EXOC4: variants seen among roughly 807,000 people sequenced by gnomAD.
The protein encoded by EXOC4 is SEC8-like 1.
Under a neutral mutation model 107.2 loss-of-function variants are expected in EXOC4, and 71 were observed. The observed-to-expected ratio is 0.66, with a 90% confidence interval of 0.55 to 0.81. The LOEUF is 0.81. Ranked by LOEUF, EXOC4 falls within the 30% of genes least tolerant of loss-of-function variation. The pLI, the probability that EXOC4 is intolerant of heterozygous loss-of-function variation, is 0.00. For missense variants in EXOC4, 1,108 were observed against 1,189.6 expected, an observed-to-expected ratio of 0.93 and a Z score of 1.01; for synonymous variants, 456 against 441.2, an observed-to-expected ratio of 1.03 and a Z score of -0.42.
intron 9 of EXOC4, among the ~76,000 whole-genome samples, chr7:133,580,549 C>T (rs539166107): frequency 2.0e-5 from 3 of 152,092 alleles, no homozygotes; most frequent in Non-Finnish European, 4.4e-5. Flanking sequence ...ACAAAAGTTG[C>T]GTATTGTAGA....
At chr7:134,066,474 T>G (rs920629469), downstream of EXOC4, 2 of 152,214 alleles carry the variant, frequency 1.3e-5, no homozygotes, top group Non-Finnish European at 2.9e-5. Context: ...TCTGCTTTGC[T>G]TACAATGACG....
At chr7:133,735,783 T>G (rs1287891504) in intron 10 of EXOC4, among the ~76,000 whole-genome samples, 1 of 152,108 alleles carries the variant, frequency 6.6e-6, no homozygotes, top group Non-Finnish European at 1.5e-5. Context: ...AGCCCTCTAT[T>G]ACCATAAGAT....
chr7:133,583,296 T>C (rs185390765), intron 9 of EXOC4, among the ~76,000 whole-genome samples: 1 of 152,216 alleles, frequency 6.6e-6, no homozygotes, highest in African/African-American at 2.4e-5. Flanking sequence ...ATTACTCCGA[T>C]AATCTCTTAT....
At chr7:134,022,806 A>G (rs1016576109) in intron 17 of EXOC4, among the ~76,000 whole-genome samples, 1 of 152,198 alleles carries the variant, frequency 6.6e-6, no homozygotes, top group African/African-American at 2.4e-5. Context: ...TTCTGTCTGC[A>G]CTAAGGCTAG....
At chr7:133,964,100 T>C (rs1008317826) in intron 14 of EXOC4, among the ~76,000 whole-genome samples, 1 of 152,146 alleles carries the variant, frequency 6.6e-6, no homozygotes, top group Non-Finnish European at 1.5e-5. Flanking sequence ...TATGAGGTAA[T>C]ATATGAGAAA....
chr7:133,878,272 G>C (rs1183242410), intron 11 of EXOC4, among the ~76,000 whole-genome samples: 1 of 152,140 alleles, frequency 6.6e-6, no homozygotes, highest in East Asian at 1.9e-4. Flanking sequence ...GTTCAAACTA[G>C]GATTCCATCT....
chr7:133,460,208 T>C (rs1798558073), intron 7 of EXOC4, among the ~76,000 whole-genome samples: 1 of 152,182 alleles, frequency 6.6e-6, no homozygotes, highest in Non-Finnish European at 1.5e-5. Context: ...ATCCCTCGCA[T>C]GTGCAGTTCA....
chr7:133,682,389 G>A (rs7805745), intron 10 of EXOC4, among the ~76,000 whole-genome samples: 146,824 of 152,280 alleles, frequency 0.96, 71,000 homozygotes, highest in East Asian at 1. Flanking sequence ...TAAGTCTCAC[G>A]AGATCTGATG....
chr7:133,566,259 A>G (rs1417999156), intron 9 of EXOC4, among the ~76,000 whole-genome samples: 2 of 152,174 alleles, frequency 1.3e-5, no homozygotes, highest in Non-Finnish European at 2.9e-5. Flanking sequence ...TGCTTTATCT[A>G]TAATCCCTAT....
chr7:133,976,264 C>G (rs1793830262), intron 14 of EXOC4, among the ~76,000 whole-genome samples: 1 of 151,792 alleles, frequency 6.6e-6, no homozygotes, highest in South Asian at 2.1e-4. Context: ...ACTCTAACCT[C>G]TCTTTTGTTT....
chr7:133,998,600 A>G (rs2116292144), intron 15 of EXOC4, among the ~76,000 whole-genome samples: 1 of 152,274 alleles, frequency 6.6e-6, no homozygotes, highest in South Asian at 2.1e-4. Flanking sequence ...CTGAAAGAAT[A>G]AGGCACAGGA....
At chr7:133,796,555 C>A (rs755570361) in intron 10 of EXOC4, among the ~76,000 whole-genome samples, 4 of 152,010 alleles carry the variant, frequency 2.6e-5, no homozygotes, top group Non-Finnish European at 4.4e-5. Context: ...GTCAAGAGAT[C>A]GAGACCATCC....
At chr7:133,755,549 G>A (rs1026191528) in intron 10 of EXOC4, among the ~76,000 whole-genome samples, 7 of 150,862 alleles carry the variant, frequency 4.6e-5, no homozygotes, top group African/African-American at 1.7e-4. Flanking sequence ...TCACCATGTT[G>A]GCCAGGATGT....
chr7:134,052,133 TAGAA>T (rs1054208386), intron 17 of EXOC4, among the ~76,000 whole-genome samples: 12 of 152,154 alleles, frequency 7.9e-5, no homozygotes, highest in Non-Finnish European at 1.2e-4. Flanking sequence ...ATTGGAGGCT[TAGAA>T]AGGACAGGCA....
At chr7:133,574,885 G>A (rs1801096055) in intron 9 of EXOC4, among the ~76,000 whole-genome samples, 2 of 152,278 alleles carry the variant, frequency 1.3e-5, no homozygotes, top group South Asian at 4.1e-4. Flanking sequence ...CTTCAGCGTT[G>A]ATGACAAACC....
chr7:133,269,192 T>G (rs933312607), intron 1 of EXOC4, among the ~76,000 whole-genome samples: 2 of 152,196 alleles, frequency 1.3e-5, no homozygotes, highest in Admixed American at 1.3e-4. Context: ...GGTGCTCTCT[T>G]TCCATCCCTA....
At chr7:133,586,766 G>A (rs1345007152) in intron 9 of EXOC4, among the ~76,000 whole-genome samples, 1 of 152,098 alleles carries the variant, frequency 6.6e-6, no homozygotes, top group Non-Finnish European at 1.5e-5. Context: ...TGTTTATCTA[G>A]ATATACTCAT....
intron 4 of EXOC4, among the ~76,000 whole-genome samples, chr7:133,313,772 G>T (rs1231405559): frequency 2.0e-5 from 3 of 152,130 alleles, no homozygotes; most frequent in Non-Finnish European, 4.4e-5. Flanking sequence ...AGTCCTTGAG[G>T]TTACAGTGGC....
intron 5 of EXOC4, among the ~76,000 whole-genome samples, chr7:133,325,553 G>T (rs1795218102): frequency 6.6e-6 from 1 of 152,142 alleles, no homozygotes; most frequent in Non-Finnish European, 1.5e-5. Flanking sequence ...CTCTCTTCTG[G>T]CTTGTAGAGT....
Sources: allele counts gnomAD v4.1 joint callset (sites outside exome capture counted in the v4.1 genomes callset), GRCh38; gene constraint gnomAD v4.1.1; transcripts MANE v1.5; gene names NCBI Gene and HGNC (gene_info 2026-07-23, HGNC 2026-07-21).